The following MBNL1 variants were observed in gnomAD, a reference collection of about 807,000 sequenced individuals.
The protein encoded by MBNL1 is muscleblind like splicing regulator 1.
MBNL1 carries 8 observed loss-of-function variants against 42.2 expected under a neutral mutation model. That is an observed-to-expected ratio of 0.19 (90% CI 0.11 to 0.34). The LOEUF is 0.34. MBNL1 is among the 10% of genes least tolerant of loss of function. MBNL1 has a pLI of 1.00. For missense variants in MBNL1, 309 were observed against 495.3 expected, an observed-to-expected ratio of 0.62 and a Z score of 3.57; for synonymous variants, 169 against 173.9, an observed-to-expected ratio of 0.97 and a Z score of 0.22.
chr3:152,299,670 A>G lies in MBNL1; in HGVS notation c.-524A>G. ...TGCCAGGAAATCAAGGAGGAAAAAA[A>G]AAATCATTTTCTCGATTTTGCTCTA... On this transcript the variant is annotated 5_prime_UTR_variant, in exon 2 of 10. Coordinates refer to ENST00000324210, the MANE Select transcript of MBNL1 (RefSeq NM_021038.5). The G allele has an allele frequency of 2.5e-6, 1 of 398,728 alleles. No homozygotes were observed. The highest frequency in any genetic ancestry group is 6.3e-4 in the Middle Eastern group (1 of 1,588). 24.7% of individuals were successfully genotyped at this position (398,728 alleles called of 1,614,324 possible). A position where few individuals can be genotyped will look rare whatever the true frequency, so the allele number is the denominator to read the frequency against.
intron 2 of MBNL1, among the ~76,000 whole-genome samples, chr3:152,258,197 CAT>C (rs1463607462): frequency 2.6e-5 from 4 of 152,046 alleles, no homozygotes; most frequent in African/African-American, 4.8e-5. Flanking sequence ...TTTTAAAAAA[CAT>C]ATTCTGTATT....
chr3:152,303,963 T>G (rs2061786061), intron 2 of MBNL1, among the ~76,000 whole-genome samples: 1 of 152,200 alleles, frequency 6.6e-6, no homozygotes, highest in Admixed American at 6.5e-5. Context: ...AAATTTCTTT[T>G]TGCTATATAC....
intron 6 of MBNL1, 23 bp from the exon 7 acceptor site, chr3:152,455,519 C>T (rs1394684483): frequency 1.9e-6 from 3 of 1,606,476 alleles, no homozygotes; most frequent in Non-Finnish European, 2.6e-6. Flanking sequence ...ATCCACCTTC[C>T]TGTTGCAATG....
At chr3:152,358,208 A>G (rs2095665903) in intron 2 of MBNL1, among the ~76,000 whole-genome samples, 1 of 152,224 alleles carries the variant, frequency 6.6e-6, no homozygotes, top group African/African-American at 2.4e-5. Context: ...TTAAAAGACA[A>G]ATTATGATTT....
intron 2 of MBNL1, among the ~76,000 whole-genome samples, chr3:152,354,170 G>T (rs1370327907): frequency 6.6e-6 from 1 of 152,154 alleles, no homozygotes; most frequent in Non-Finnish European, 1.5e-5. Context: ...TAAAATAGCT[G>T]CATTGCAGAA....
intron 2 of MBNL1, among the ~76,000 whole-genome samples, chr3:152,350,748 T>G (rs775769220): frequency 2.3e-4 from 35 of 152,246 alleles, no homozygotes; most frequent in Non-Finnish European, 4.9e-4. Context: ...CTACCTGCAT[T>G]TTGGTCATCC....
At chr3:152,259,020 T>C (rs763444347) in intron 2 of MBNL1, among the ~76,000 whole-genome samples, 4 of 152,132 alleles carry the variant, frequency 2.6e-5, no homozygotes, top group Non-Finnish European at 4.4e-5. Context: ...ACTTCAAAGG[T>C]CTCCGAAGGG....
Position 152,421,156 on chromosome 3 carries a change from A to G in MBNL1, c.345+6045A>G, listed in dbSNP as rs938870069. Among the ~76,000 whole-genome samples the G allele has an allele frequency of 1.3e-5, 2 of 152,354 alleles. 1 individual carries two copies. Among genetic ancestry groups the G allele is most frequent in the Middle Eastern group, 6.8e-3 (2 of 294 alleles). ...ACCTACGTTTGATTGGTGTACCTCAAAGTGATGGGGAGAATGGAACCAAGT... is the reference window on the plus strand; with the variant it reads ...ACCTACGTTTGATTGGTGTACCTCAGAGTGATGGGGAGAATGGAACCAAGT... On this transcript the variant is annotated intron_variant, in intron 3 of 9. Transcript: ENST00000324210.
intron 1 of MBNL1, among the ~76,000 whole-genome samples, chr3:152,291,086 T>C (rs73026368): frequency 0.016 from 2,401 of 152,298 alleles, 55 homozygotes; most frequent in African/African-American, 0.055. Context: ...CAAGATGATG[T>C]CTTTGTGTAA....
intron 2 of MBNL1, among the ~76,000 whole-genome samples, chr3:152,356,145 G>GA (rs574494775): frequency 6.0e-5 from 9 of 150,716 alleles, no homozygotes; most frequent in South Asian, 2.1e-4. Context: ...TGTATGCTAA[G>GA]AAAAAAAATC....
chr3:152,445,307 A>G lies in MBNL1; in HGVS notation c.575A>G (p.Asn192Ser), dbSNP rs1331248232. 10 of 1,614,094 alleles carry G rather than the reference A, an allele frequency of 6.2e-6. No homozygotes were observed. Among genetic ancestry groups the G allele is most frequent in the East Asian group, 4.5e-5 (2 of 44,886 alleles). ...GTATGTCGAGAGTACCAACGTGGCA[A>G]TTGCAACCGAGGAGAAAATGATTGT... ...LEVCREYQRG[N>S]CNRGENDCRF... The change falls in exon 5 of 10, where the codon AAT becomes AGT. Residue 192 changes from asparagine (N) to serine (S), a missense_variant. By Grantham distance (46) the Asn-to-Ser change is conservative (BLOSUM62 1). Transcript: ENST00000324210.
intron 2 of MBNL1, among the ~76,000 whole-genome samples, chr3:152,380,703 A>T (rs2097143311): frequency 1.3e-5 from 2 of 152,018 alleles, no homozygotes; most frequent in South Asian, 4.1e-4. Flanking sequence ...CTTTAACACA[A>T]CTTTAAACAT....
At chr3:152,404,774 A>G (rs975174485) in intron 2 of MBNL1, among the ~76,000 whole-genome samples, 6 of 149,190 alleles carry the variant, frequency 4.0e-5, no homozygotes, top group Non-Finnish European at 8.9e-5. Flanking sequence ...TTATATCTAA[A>G]TATAATATAT....
chr3:152,434,190 C>G (rs1355729631), intron 4 of MBNL1, among the ~76,000 whole-genome samples: 1 of 152,052 alleles, frequency 6.6e-6, no homozygotes, highest in Non-Finnish European at 1.5e-5. Flanking sequence ...TTTTCTGATC[C>G]TCTCCCCTCT....
At chr3:152,433,619 G>A (rs1005990560) in intron 4 of MBNL1, among the ~76,000 whole-genome samples, 3 of 151,786 alleles carry the variant, frequency 2.0e-5, no homozygotes, top group South Asian at 2.1e-4. Context: ...GCGTGGTAGC[G>A]GGCGCCTGTA....
intron 2 of MBNL1, among the ~76,000 whole-genome samples, chr3:152,252,730 G>C (rs2034831715): frequency 6.6e-6 from 1 of 152,032 alleles, no homozygotes; most frequent in South Asian, 2.1e-4. Flanking sequence ...TTATTCCAGA[G>C]TTTTTAAAAG....
upstream of MBNL1, chr3:152,268,684 C>A: frequency 2.3e-6 from 1 of 440,834 alleles, no homozygotes. Context: ...CTCGGCGCCG[C>A]TGGGCGACCG....
chr3:152,339,775 C>A (rs1238945438), intron 2 of MBNL1: 1 of 152,026 alleles, frequency 6.6e-6, no homozygotes. Flanking sequence ...AAATATTGAT[C>A]TTTGACAGTG....
chr3:152,256,302 T>A (rs1441272219), intron 2 of MBNL1, among the ~76,000 whole-genome samples: 1 of 152,190 alleles, frequency 6.6e-6, no homozygotes, highest in Non-Finnish European at 1.5e-5. Context: ...TGTCATGGAA[T>A]AATTGACTCT....
Sources: allele counts gnomAD v4.1 joint callset (sites outside exome capture counted in the v4.1 genomes callset), GRCh38; gene constraint gnomAD v4.1.1; transcripts MANE v1.5; gene names NCBI Gene and HGNC (gene_info 2026-07-23, HGNC 2026-07-21).